The following CACNA1C variants were observed in gnomAD, a reference collection of about 807,000 sequenced individuals.
The protein encoded by CACNA1C is voltage-dependent L-type calcium channel subunit alpha-1C.
Under a neutral mutation model 229.0 loss-of-function variants are expected in CACNA1C, and 30 were observed. The ratio of observed to expected loss-of-function variants is 0.13; its 90% confidence interval spans 0.10 to 0.18. The LOEUF (loss-of-function observed/expected upper bound fraction) is 0.18. Among genes scored for constraint, CACNA1C ranks in the 10% least tolerant of loss-of-function variants. The probability of loss-of-function intolerance (pLI) is 1.00; values close to 1 mark genes in which losing one functional copy is unlikely to be tolerated. For missense variants in CACNA1C, 1,658 were observed against 2,845.0 expected (o/e 0.58, Z 9.49); for synonymous variants, 1,114 against 1,132.5 (o/e 0.98, Z 0.33).
chr12:2,314,076 C>T (rs963563907), intron 3 of CACNA1C, among the ~76,000 whole-genome samples: 3 of 152,188 alleles, frequency 2.0e-5, no homozygotes, highest in Non-Finnish European at 2.9e-5. Context: ...CTTCTTATTC[C>T]CTTTGACCAA....
At chr12:2,200,970 T>G (rs907278711) in intron 3 of CACNA1C, among the ~76,000 whole-genome samples, 3 of 152,232 alleles carry the variant, frequency 2.0e-5, no homozygotes, top group Admixed American at 2.0e-4. Flanking sequence ...AGCCTAGACA[T>G]CTGTTTGAAA....
At chr12:2,539,975 G>C (rs1349426734) in intron 9 of CACNA1C, among the ~76,000 whole-genome samples, 1 of 152,190 alleles carries the variant, frequency 6.6e-6, no homozygotes, top group East Asian at 1.9e-4. Context: ...ACAAAGTGAG[G>C]GGCAGCCTCA....
chr12:2,087,541 T>C (rs1297001697), intron 1 of CACNA1C, among the ~76,000 whole-genome samples: 2 of 152,162 alleles, frequency 1.3e-5, no homozygotes, highest in South Asian at 2.1e-4. Flanking sequence ...GCAAAGGTGG[T>C]GATGCTAGAG....
At chr12:1,972,443 GCA>G (rs2032719680) in intron 1 of CACNA1C, among the ~76,000 whole-genome samples, 1 of 152,052 alleles carries the variant, frequency 6.6e-6, no homozygotes, top group African/African-American at 2.4e-5. Context: ...TAGTACACAT[GCA>G]CACACAGCTA....
intron 3 of CACNA1C, among the ~76,000 whole-genome samples, chr12:2,295,846 C>T (rs540399356): frequency 6.6e-6 from 1 of 152,256 alleles, no homozygotes; most frequent in Non-Finnish European, 1.5e-5. Flanking sequence ...CTTCTTGGCC[C>T]ACACTCCCAA....
intron 3 of CACNA1C, among the ~76,000 whole-genome samples, chr12:2,299,592 G>A (rs1015610122): frequency 6.6e-6 from 1 of 152,088 alleles, no homozygotes; most frequent in Non-Finnish European, 1.5e-5. Context: ...CAGATTCCTA[G>A]GCCTCATCCA....
intron 3 of CACNA1C, among the ~76,000 whole-genome samples, chr12:2,362,127 A>G (rs1327624204): frequency 6.6e-6 from 1 of 152,248 alleles, no homozygotes; most frequent in Non-Finnish European, 1.5e-5. Context: ...ACATAGGCAC[A>G]TGGTATGTCC....
At chr12:2,496,084 A>T (rs2099746252) in intron 7 of CACNA1C, among the ~76,000 whole-genome samples, 1 of 152,210 alleles carries the variant, frequency 6.6e-6, no homozygotes, top group South Asian at 2.1e-4. Context: ...TTGTAAATAT[A>T]AAAATACCCA....
At chr12:2,058,807 A>G (rs1199979849) in intron 1 of CACNA1C, among the ~76,000 whole-genome samples, 8 of 152,238 alleles carry the variant, frequency 5.3e-5, no homozygotes, top group Non-Finnish European at 1.2e-4. Context: ...CTGCAGAAAA[A>G]GCAAAATGGA....
chr12:2,376,328 ATTC>A (rs1327770365), intron 3 of CACNA1C, among the ~76,000 whole-genome samples: 4 of 152,126 alleles, frequency 2.6e-5, no homozygotes, highest in Non-Finnish European at 5.9e-5. Flanking sequence ...ACAAGCGCCC[ATTC>A]TTCTTCTTAT....
At chr12:2,496,389 T>G (rs958284158) in intron 7 of CACNA1C, among the ~76,000 whole-genome samples, 3 of 152,186 alleles carry the variant, frequency 2.0e-5, no homozygotes, top group Non-Finnish European at 1.5e-5. Context: ...GATTTTCAAA[T>G]ATAGTAATGC....
chr12:2,374,773 A>T lies in CACNA1C; in HGVS notation c.478-74203A>T, dbSNP rs78981090. ...ATTAGCATTAGGTGACAAATAAACC[A>T]TCTCCAGTCAACATTATCCCTGCTG... On this transcript the variant is annotated intron_variant, in intron 3 of 46. Coordinates refer to ENST00000399655, the MANE Select transcript of CACNA1C (RefSeq NM_000719.7). 1.7e-4 allele frequency among the ~76,000 whole-genome samples: 26 copies of T among 152,340 alleles called. No homozygotes were observed. In the East Asian group the frequency reaches 4.8e-3, roughly 28 times the overall value.
At chr12:2,333,906 G>A (rs1309177745) in intron 3 of CACNA1C, among the ~76,000 whole-genome samples, 1 of 152,206 alleles carries the variant, frequency 6.6e-6, no homozygotes. Context: ...AGGAAACTGA[G>A]GCTCAGGGAA....
rs141995681 is a variant in CACNA1C, at chr12:2,548,871, G to A, written c.1391-1072G>A. Among the ~76,000 whole-genome samples, 220 of 152,282 alleles carry A rather than the reference G, an allele frequency of 1.4e-3. 2 individuals are homozygous for A. Among genetic ancestry groups the A allele is most frequent in the Admixed American group, 2.9e-3 (45 of 15,304 alleles). On this transcript the variant is annotated intron_variant, in intron 9 of 46. Coordinates refer to ENST00000399655, the MANE Select transcript of CACNA1C (RefSeq NM_000719.7). ...ACTAACAGCAGATTCTGTGTCTGCT[G>A]AGGGCTGATGACTTTCTCAGCATAT...
chr12:1,981,385 A>C (rs2036077120), intron 1 of CACNA1C, among the ~76,000 whole-genome samples: 1 of 152,258 alleles, frequency 6.6e-6, no homozygotes, highest in African/African-American at 2.4e-5. Flanking sequence ...CATTGCAAAT[A>C]TTTAATTGTG....
At chr12:2,590,718 G>C (rs1053359799) in intron 18 of CACNA1C, among the ~76,000 whole-genome samples, 1 of 152,182 alleles carries the variant, frequency 6.6e-6, no homozygotes, top group Non-Finnish European at 1.5e-5. Context: ...AGCCTGCACC[G>C]TTTTCCATTA....
chr12:2,021,876 C>A (rs1037662422), intron 1 of CACNA1C, among the ~76,000 whole-genome samples: 2 of 152,186 alleles, frequency 1.3e-5, no homozygotes, highest in African/African-American at 4.8e-5. Context: ...CTCTAAAAGG[C>A]TCCACCTCCC....
intron 3 of CACNA1C, among the ~76,000 whole-genome samples, chr12:2,444,758 T>A (rs2099261994): frequency 6.6e-6 from 1 of 152,144 alleles, no homozygotes; most frequent in Non-Finnish European, 1.5e-5. Flanking sequence ...CACTGCCTCT[T>A]CCCTCAACCC....
intron 1 of CACNA1C, among the ~76,000 whole-genome samples, chr12:1,980,192 T>C (rs1439872541): frequency 6.6e-6 from 1 of 152,136 alleles, no homozygotes; most frequent in Non-Finnish European, 1.5e-5. Flanking sequence ...TTATTCAGAA[T>C]AGCTCAAATT....
Sources: allele counts gnomAD v4.1 joint callset (sites outside exome capture counted in the v4.1 genomes callset), GRCh38; gene constraint gnomAD v4.1.1; transcripts MANE v1.5; gene names NCBI Gene and HGNC (gene_info 2026-07-23, HGNC 2026-07-21).